ERLIN1: variants seen among roughly 807,000 people sequenced by gnomAD.
The protein encoded by ERLIN1 is ER lipid raft associated 1.
Under a neutral mutation model 46.9 loss-of-function variants are expected in ERLIN1, and 24 were observed. The observed-to-expected ratio is 0.51, with a 90% confidence interval of 0.37 to 0.72. The LOEUF (loss-of-function observed/expected upper bound fraction) is 0.72. ERLIN1 is among the 30% of genes least tolerant of loss of function. ERLIN1 has a pLI of 0.00. For synonymous variants in ERLIN1, 158 were observed against 143.2 expected (o/e 1.10, Z -0.74); for missense variants, 293 against 417.9 (o/e 0.70, Z 2.61).
intron 6 of ERLIN1, among the ~76,000 whole-genome samples, chr10:100,173,340 T>G (rs1844109499): frequency 6.6e-6 from 1 of 152,164 alleles, no homozygotes; most frequent in Non-Finnish European, 1.5e-5. Flanking sequence ...GGCTTTCGAA[T>G]GTTACTGACA....
rs188780240 is a variant in ERLIN1 at position 100,153,398 on chromosome 10, A to G, written c.826-1046T>C. ...GCCAAGATGTATCTAACCAGAATCT[A>G]TCTGGATTTGATTAAAACCCATTTC... On this transcript the variant is annotated intron_variant, in intron 10 of 10. Coordinates refer to ENST00000421367, the MANE Select transcript of ERLIN1 (RefSeq NM_006459.4). Among the ~76,000 whole-genome samples the G allele has an allele frequency of 2.6e-5, 4 of 152,318 alleles. No homozygotes were observed. The East Asian group carries it at 7.7e-4, about 29-fold the overall frequency.
At chr10:100,165,813 C>A (rs1701467331) in intron 7 of ERLIN1, among the ~76,000 whole-genome samples, 1 of 152,110 alleles carries the variant, frequency 6.6e-6, no homozygotes. Context: ...GCAACCTCTA[C>A]CTCCCCGGTT....
chr10:100,185,738 T>A lies in ERLIN1; in HGVS notation c.-112A>T. On this transcript the variant is annotated 5_prime_UTR_variant, in exon 1 of 11. Coordinates refer to ENST00000421367, the MANE Select transcript of ERLIN1 (RefSeq NM_006459.4). ...GGAAACTTGGCGCTCTCTCGCAGGCTGAGCCGGGGAGTCCAGTACCCCTGT... is the reference window on the plus strand; with the variant it reads ...GGAAACTTGGCGCTCTCTCGCAGGCAGAGCCGGGGAGTCCAGTACCCCTGT... 3.6e-6 allele frequency: 3 copies of A among 837,542 alleles called. No homozygotes were observed. The highest frequency in any genetic ancestry group is 6.0e-6 in the Non-Finnish European group (3 of 497,096). The allele number at this position is 837,542 out of a possible 1,614,324, so 51.9% of individuals were successfully genotyped here.
chr10:100,154,778 C>CGA (rs1424355546), intron 10 of ERLIN1, 82 bp downstream of exon 10: 1 of 1,074,380 alleles, frequency 9.3e-7, no homozygotes, highest in Non-Finnish European at 1.4e-6. Context: ...GATAAAATCA[C>CGA]TTCTATCATA....
At chr10:100,183,251 T>C (rs1214371353) in intron 2 of ERLIN1, among the ~76,000 whole-genome samples, 2 of 152,188 alleles carry the variant, frequency 1.3e-5, no homozygotes, top group South Asian at 2.1e-4. Context: ...ATTTCAAATA[T>C]CCCGGGATGC....
rs1009659971 is a variant in ERLIN1, at chr10:100,150,678, G to T, written c.*1453C>A. On this transcript the variant is annotated 3_prime_UTR_variant, in exon 11 of 11. Coordinates refer to ENST00000421367, the MANE Select transcript of ERLIN1 (RefSeq NM_006459.4). ...CCAACAAACTGTCATGAGACTGACA[G>T]GCCTGACAGCTGAAAGATTTCTAGA... 6.6e-6 allele frequency: 1 copy of T among 152,626 alleles called. No homozygotes were observed. The highest frequency in any genetic ancestry group is 6.5e-5 in the Admixed American group (1 of 15,278). The allele number at this position is 152,626 out of a possible 1,614,324, so 9.5% of individuals were successfully genotyped here.
intron 8 of ERLIN1, 74 bp downstream of exon 8, chr10:100,163,930 C>T: frequency 1.0e-6 from 1 of 965,874 alleles, no homozygotes; most frequent in Non-Finnish European, 1.6e-6. Flanking sequence ...TCCCATGATA[C>T]CCAAAATGAG....
At chr10:100,166,658 T>C (rs975296147) in intron 7 of ERLIN1, among the ~76,000 whole-genome samples, 5 of 152,234 alleles carry the variant, frequency 3.3e-5, no homozygotes, top group Admixed American at 2.6e-4. Context: ...CAGCGTCTTA[T>C]ACTTTCCCTT....
At chr10:100,155,778 T>C (rs1001901732) in intron 9 of ERLIN1, among the ~76,000 whole-genome samples, 1 of 152,230 alleles carries the variant, frequency 6.6e-6, no homozygotes, top group Non-Finnish European at 1.5e-5. Flanking sequence ...CCTCCCAAAG[T>C]GCTGGGATTA....
intron 4 of ERLIN1, 76 bp downstream of exon 4, chr10:100,178,057 C>T: frequency 3.1e-6 from 3 of 958,906 alleles, no homozygotes; most frequent in Non-Finnish European, 4.8e-6. Flanking sequence ...AAGTACCCTT[C>T]TATTCCTCAA....
chr10:100,156,089 A>G, intron 9 of ERLIN1, 56 bp downstream of exon 9: 4 of 1,090,774 alleles, frequency 3.7e-6, no homozygotes, highest in Non-Finnish European at 5.6e-6. Flanking sequence ...TGAACCCTGG[A>G]GCAGAGAGGA....
intron 6 of ERLIN1, 47 bp downstream of exon 6, chr10:100,174,161 C>T: frequency 4.8e-6 from 6 of 1,238,044 alleles, no homozygotes; most frequent in East Asian, 2.5e-5. Context: ...GGAACAAACT[C>T]AAAGCTCTCA....
At position 100,183,774 on chromosome 10, in the gene ERLIN1, A is replaced by G. The variant is rs770027728; in HGVS notation, c.177T>C (p.Thr59=). ...PGYHIMLPFI[T]TFRSVQTTLQ... Reference sequence around the variant, plus strand: ...CACTCACCTGCACAGATCTGAACGTAGTAATGAAAGGCAACATGATATGAT... The same window carrying G: ...CACTCACCTGCACAGATCTGAACGTGGTAATGAAAGGCAACATGATATGAT... Residue 59 remains threonine, a synonymous_variant, in exon 2 of 11, where the codon ACT becomes ACC. Transcript: ENST00000421367. 1.9e-5 allele frequency: 30 copies of G among 1,612,764 alleles called. No homozygotes were observed. The highest frequency in any genetic ancestry group is 2.3e-5 in the Non-Finnish European group (27 of 1,178,918).
intron 6 of ERLIN1, among the ~76,000 whole-genome samples, chr10:100,171,588 T>C (rs1413754747): frequency 6.6e-6 from 1 of 152,032 alleles, no homozygotes; most frequent in East Asian, 1.9e-4. Flanking sequence ...TAAAAAAATT[T>C]TTTGTGGAGA....
At chr10:100,182,119 T>A (rs1269435368) in intron 2 of ERLIN1, among the ~76,000 whole-genome samples, 1 of 152,078 alleles carries the variant, frequency 6.6e-6, no homozygotes, top group Admixed American at 6.5e-5. Flanking sequence ...TCAGTATGAC[T>A]TAACATACTA....
intron 8 of ERLIN1, among the ~76,000 whole-genome samples, chr10:100,162,219 G>T (rs1315292236): frequency 3.3e-5 from 5 of 151,970 alleles, no homozygotes; most frequent in African/African-American, 1.2e-4. Flanking sequence ...TCAAATAATG[G>T]GCTAAGGACA....
intron 5 of ERLIN1, among the ~76,000 whole-genome samples, chr10:100,175,213 G>T (rs1844221814): frequency 6.6e-6 from 1 of 152,206 alleles, no homozygotes; most frequent in Non-Finnish European, 1.5e-5. Context: ...ACTCGTCCTT[G>T]GTTGGCACCT....
chr10:100,159,471 C>T (rs1843242179), intron 8 of ERLIN1, among the ~76,000 whole-genome samples: 1 of 152,096 alleles, frequency 6.6e-6, no homozygotes, highest in African/African-American at 2.4e-5. Flanking sequence ...AACACAGATT[C>T]AATCTTTTCA....
At position 100,185,820 on chromosome 10, in the gene ERLIN1, C is replaced by G. The variant is rs544803967; in HGVS notation, c.-194G>C. 5 of 589,464 alleles carry G rather than the reference C, an allele frequency of 8.5e-6. No individual in the cohort carries two copies. The African/African-American group carries it at 9.4e-5, about 11-fold the overall frequency. The allele number at this position is 589,464 out of a possible 1,614,324, so 36.5% of individuals were successfully genotyped here. A position where few individuals can be genotyped will look rare whatever the true frequency, so the allele number is the denominator to read the frequency against. On this transcript the variant is annotated 5_prime_UTR_variant, in exon 1 of 11. Coordinates refer to ENST00000421367, the MANE Select transcript of ERLIN1 (RefSeq NM_006459.4). ...TGACCCCTTGCCAACTCCTCCGCCCCCGGAGGCCAGTGGGCCGCCCCTGCT... is the reference window on the plus strand; with the variant it reads ...TGACCCCTTGCCAACTCCTCCGCCCGCGGAGGCCAGTGGGCCGCCCCTGCT...
Sources: gnomAD v4.1 joint callset for allele counts (sites outside exome capture counted in the v4.1 genomes callset) on GRCh38, gnomAD v4.1.1 for gene constraint, MANE v1.5 for transcripts, NCBI Gene and HGNC (gene_info 2026-07-23, HGNC 2026-07-21) for gene names.